Variants in RAB38 observed in about 807,000 individuals in gnomAD.
RAB38 encodes the protein ras-related protein Rab-38.
Under a neutral mutation model 18.4 loss-of-function variants are expected in RAB38, and 15 were observed. The observed-to-expected ratio is 0.82, with a 90% CI of 0.55 to 1.26. RAB38 has a LOEUF of 1.26. RAB38 is among the 50% of genes most tolerant of loss of function. RAB38 has a pLI of 0.00. For synonymous variants in RAB38, 101 were observed against 104.4 expected (o/e 0.97, Z 0.20); for missense variants, 294 against 267.4 (o/e 1.10, Z -0.69).
At chr11:87,954,840 T>C in the RAB38 span, among the ~76,000 whole-genome samples, 1 of 152,152 alleles carries the variant, frequency 6.6e-6, no homozygotes, top group African/African-American at 2.4e-5. Flanking sequence ...CACCCTTTCA[T>C]CTGGGATGAA....
chr11:88,067,063 G>A, the RAB38 span, among the ~76,000 whole-genome samples: 1 of 152,120 alleles, frequency 6.6e-6, no homozygotes, highest in Admixed American at 6.5e-5. Context: ...TACTAAAAAT[G>A]ACTTTGGTTA....
the RAB38 span, among the ~76,000 whole-genome samples, chr11:87,974,784 G>GA: frequency 0.012 from 1,798 of 145,798 alleles, 43 homozygotes; most frequent in African/African-American, 0.043. Context: ...TCTCAAATCA[G>GA]AAAAAATGAT....
At chr11:87,835,191 C>T in the RAB38 span, among the ~76,000 whole-genome samples, 1 of 152,184 alleles carries the variant, frequency 6.6e-6, no homozygotes. Flanking sequence ...GGGAACTACA[C>T]TAAGTAAATG....
the RAB38 span, among the ~76,000 whole-genome samples, chr11:87,955,872 TGCACACACACACAC>T: frequency 1.0e-3 from 46 of 44,326 alleles, no homozygotes; most frequent in African/African-American, 2.9e-3. Flanking sequence ...GCAAACAGTA[TGCACACACACACAC>T]ACACACACAC....
At chr11:87,890,162 T>C in the RAB38 span, among the ~76,000 whole-genome samples, 1 of 151,816 alleles carries the variant, frequency 6.6e-6, no homozygotes, top group Non-Finnish European at 1.5e-5. Flanking sequence ...ACTAATAAAA[T>C]CTGAAAAACT....
the RAB38 span, among the ~76,000 whole-genome samples, chr11:87,947,655 C>T: frequency 6.6e-6 from 1 of 152,142 alleles, no homozygotes; most frequent in East Asian, 1.9e-4. Context: ...AATCCTTTCC[C>T]CATTTCATGT....
the RAB38 span, among the ~76,000 whole-genome samples, chr11:88,025,972 T>C: frequency 3.9e-5 from 6 of 152,184 alleles, no homozygotes; most frequent in Non-Finnish European, 2.9e-5. Context: ...GTGTTTCCTA[T>C]GTTTTCTTCT....
chr11:87,855,440 C>T, the RAB38 span, among the ~76,000 whole-genome samples: 5,629 of 151,968 alleles, frequency 0.037, 123 homozygotes, highest in African/African-American at 0.069. Flanking sequence ...AGAACAGTGG[C>T]GATGTAAGAA....
At chr11:88,028,935 G>A in the RAB38 span, among the ~76,000 whole-genome samples, 14 of 152,198 alleles carry the variant, frequency 9.2e-5, no homozygotes, top group South Asian at 6.2e-4. Flanking sequence ...TGTCAGATTC[G>A]CCAAAGTTGA....
At chr11:88,004,548 C>G in the RAB38 span, among the ~76,000 whole-genome samples, 4 of 151,194 alleles carry the variant, frequency 2.6e-5, no homozygotes, top group African/African-American at 4.8e-5. Flanking sequence ...GGTGAAGGAT[C>G]AAACGCTATC....
In RAB38 at chr11:88,142,752, T is replaced by C. The variant is rs150243846; in HGVS notation, c.483+6923A>G. On this transcript the variant is annotated intron_variant, in intron 2 of 2. Coordinates refer to ENST00000243662, the MANE Select transcript of RAB38 (RefSeq NM_022337.3). ...GAATGTCCATTGCATTATAATCCCA[T>C]ACAGCGTGACCAACATGGACAAAAG... Among the ~76,000 whole-genome samples the C allele has an allele frequency of 1.5e-3, 227 of 152,310 alleles. 2 individuals are homozygous for C. The highest frequency in any genetic ancestry group is 5.2e-3 in the African/African-American group (218 of 41,568).
the RAB38 span, among the ~76,000 whole-genome samples, chr11:88,036,220 G>A: frequency 0.038 from 5,837 of 152,090 alleles, 138 homozygotes; most frequent in Middle Eastern, 0.068. Flanking sequence ...ACAACAAAAT[G>A]TTTCAAGGTC....
the RAB38 span, among the ~76,000 whole-genome samples, chr11:88,034,299 G>A: frequency 2.0e-5 from 3 of 152,148 alleles, no homozygotes; most frequent in Non-Finnish European, 4.4e-5. Context: ...GTTATTACAC[G>A]TAAGTGTTAT....
the RAB38 span, among the ~76,000 whole-genome samples, chr11:87,805,604 TAC>T: frequency 0.82 from 119,667 of 145,324 alleles, 48,524 homozygotes; most frequent in East Asian, 0.93. Flanking sequence ...GAGAAAACAC[TAC>T]ACACACACAC....
chr11:88,163,618 G>A (rs1943213140), intron 1 of RAB38, among the ~76,000 whole-genome samples: 1 of 152,092 alleles, frequency 6.6e-6, no homozygotes, highest in South Asian at 2.1e-4. Context: ...AGCTAAAGTG[G>A]ACAAGAGAAT....
chr11:87,826,034 G>A, the RAB38 span, among the ~76,000 whole-genome samples: 1 of 152,016 alleles, frequency 6.6e-6, no homozygotes, highest in Non-Finnish European at 1.5e-5. Context: ...GGGAAATTGG[G>A]TAGTAGTGCA....
intron 1 of RAB38, chr11:88,167,216 T>TAGCTAGAGACAACTGTGTGAGCCAC (rs1291557365): frequency 2.0e-5 from 3 of 152,110 alleles, no homozygotes; most frequent in Non-Finnish European, 2.9e-5. Context: ...TGTTTTTTTT[T>TAGCTAGAGACAACTGTGTGAGCCAC]AGCTAGAGAC....
chr11:87,851,679 T>C, the RAB38 span, among the ~76,000 whole-genome samples: 3 of 152,140 alleles, frequency 2.0e-5, no homozygotes, highest in Non-Finnish European at 4.4e-5. Context: ...TAAAAACTCA[T>C]ATGAGGTTGA....
chr11:88,048,387 G>T, the RAB38 span, among the ~76,000 whole-genome samples: 1 of 152,058 alleles, frequency 6.6e-6, no homozygotes, highest in Non-Finnish European at 1.5e-5. Context: ...CAGGCTCTTG[G>T]TATTCAGTGG....
Sources: allele counts gnomAD v4.1 joint callset (sites outside exome capture counted in the v4.1 genomes callset), GRCh38; gene constraint gnomAD v4.1.1; transcripts MANE v1.5; gene names NCBI Gene and HGNC (gene_info 2026-07-23, HGNC 2026-07-21).